SAMD12: variants seen among roughly 807,000 people sequenced by gnomAD.
The protein encoded by SAMD12 is sterile alpha motif domain-containing protein 12.
SAMD12 carries 9 observed loss-of-function variants against 15.0 expected under a neutral mutation model. The ratio of observed to expected loss-of-function variants is 0.60; its 90% CI spans 0.36 to 1.05. SAMD12 has a LOEUF of 1.05. Ranked by LOEUF, SAMD12 falls within the 50% of genes least tolerant of loss-of-function variation. SAMD12 has a pLI of 0.01. For synonymous variants in SAMD12, 86 were observed against 90.1 expected, an observed-to-expected ratio of 0.96 and a Z score of 0.25; for missense variants, 230 against 234.2, an observed-to-expected ratio of 0.98 and a Z score of 0.12.
chr8:118,264,525 A>G (rs1411727517), intron 4 of SAMD12, among the ~76,000 whole-genome samples: 1 of 152,160 alleles, frequency 6.6e-6, no homozygotes, highest in Non-Finnish European at 1.5e-5. Flanking sequence ...TGGGAAAACC[A>G]CTAGAGGGAA....
In SAMD12 at chr8:118,439,953, C is replaced by G. The variant is rs144756754; in HGVS notation, c.201G>C (p.Thr67=). The G allele has an allele frequency of 6.2e-7, 1 of 1,613,520 alleles. No homozygotes were observed. The highest frequency in any genetic ancestry group is 2.2e-5 in the East Asian group (1 of 44,868). The change falls in exon 3 of 4, where the codon ACG becomes ACC. Residue 67 remains threonine, a synonymous_variant. Transcript: ENST00000314727. ...QAEAETAKSA[T]VKLSKPVALW... ...GAGCCACCGGTTTAGATAGCTTCAC[C>G]GTAGCTGACTATAAATAAAGAAGGA...
At chr8:118,572,467 T>A (rs1827038692) in intron 2 of SAMD12, among the ~76,000 whole-genome samples, 1 of 152,192 alleles carries the variant, frequency 6.6e-6, no homozygotes, top group Non-Finnish European at 1.5e-5. Context: ...TTTGGCTGTG[T>A]CCTCACCCAA....
rs1430873838 is a variant in SAMD12, at chr8:118,318,301, G to C, written c.433+61259C>G. Among the ~76,000 whole-genome samples, 109 of 107,832 alleles carry C rather than the reference G, an allele frequency of 1.0e-3. 2 individuals carry two copies. Among genetic ancestry groups the C allele is most frequent in the African/African-American group, 3.5e-3 (101 of 29,156 alleles). The allele number at this position is 107,832 out of a possible 152,430, so 70.7% of individuals were successfully genotyped here. ...ATGAGTAGATTAAAAAAATATGGGAGATATATGTGTATATATATATATATA... is the reference window on the plus strand; with the variant it reads ...ATGAGTAGATTAAAAAAATATGGGACATATATGTGTATATATATATATATA... On this transcript the variant is annotated intron_variant, in intron 4 of 4. Transcript: ENST00000409003.
intron 3 of SAMD12, among the ~76,000 whole-genome samples, chr8:118,416,272 C>G (rs113213592): frequency 1.1e-4 from 16 of 152,222 alleles, no homozygotes; most frequent in African/African-American, 3.9e-4. Context: ...TTATCCTTAA[C>G]CATATTAACT....
the SAMD12 span, among the ~76,000 whole-genome samples, chr8:118,169,423 T>C: frequency 6.6e-6 from 1 of 152,082 alleles, no homozygotes; most frequent in African/African-American, 2.4e-5. Context: ...TTTTTAAATA[T>C]GTGATTTTGA....
chr8:118,544,774 A>G (rs767410928), intron 2 of SAMD12, among the ~76,000 whole-genome samples: 4 of 152,134 alleles, frequency 2.6e-5, no homozygotes, highest in Non-Finnish European at 4.4e-5. Context: ...CCACACCACT[A>G]TTTCTTCAGC....
intron 4 of SAMD12, among the ~76,000 whole-genome samples, chr8:118,323,523 A>G (rs1816403670): frequency 6.6e-6 from 1 of 152,112 alleles, no homozygotes; most frequent in African/African-American, 2.4e-5. Context: ...GCACTTTGGG[A>G]GGCCGAGTTG....
chr8:118,345,464 C>A (rs930983352), intron 4 of SAMD12, among the ~76,000 whole-genome samples: 2 of 152,120 alleles, frequency 1.3e-5, no homozygotes, highest in African/African-American at 4.8e-5. Context: ...ATGCACAGGT[C>A]TGGAAAGGTT....
intron 3 of SAMD12, among the ~76,000 whole-genome samples, chr8:118,411,361 A>T (rs1586684474): frequency 6.6e-6 from 1 of 152,234 alleles, no homozygotes; most frequent in Non-Finnish European, 1.5e-5. Flanking sequence ...AAGGGCAAGA[A>T]GATCAAGTCC....
chr8:118,320,666 G>A (rs1216530359), intron 4 of SAMD12, among the ~76,000 whole-genome samples: 4 of 131,212 alleles, frequency 3.0e-5, no homozygotes, highest in South Asian at 2.4e-4. Flanking sequence ...GGGGCCTGTC[G>A]TGGGGTGGGG....
At chr8:118,517,292 GGT>G (rs766087047) in intron 2 of SAMD12, among the ~76,000 whole-genome samples, 9 of 152,164 alleles carry the variant, frequency 5.9e-5, no homozygotes, top group Non-Finnish European at 1.0e-4. Context: ...TCTGGGGTCA[GGT>G]TCAAAGGTCA....
At chr8:118,552,966 A>G (rs984714240) in intron 2 of SAMD12, among the ~76,000 whole-genome samples, 2 of 151,998 alleles carry the variant, frequency 1.3e-5, no homozygotes, top group Non-Finnish European at 2.9e-5. Flanking sequence ...TAGGAATCCA[A>G]CTTACAAGGG....
At chr8:118,546,256 G>C (rs976275208) in intron 2 of SAMD12, among the ~76,000 whole-genome samples, 7 of 152,196 alleles carry the variant, frequency 4.6e-5, no homozygotes, top group Admixed American at 2.6e-4. Flanking sequence ...GGACAATGTT[G>C]AGTAGCACTT....
chr8:118,609,728 C>G (rs535049941), intron 1 of SAMD12, among the ~76,000 whole-genome samples: 1 of 152,282 alleles, frequency 6.6e-6, no homozygotes, highest in Non-Finnish European at 1.5e-5. Context: ...TTCAATCTCT[C>G]CAGACTGTGA....
chr8:118,327,805 A>G (rs2130483549), intron 4 of SAMD12, among the ~76,000 whole-genome samples: 1 of 152,282 alleles, frequency 6.6e-6, no homozygotes, highest in South Asian at 2.1e-4. Flanking sequence ...TCTGACTGGC[A>G]AAGATGGCCT....
the SAMD12 span, among the ~76,000 whole-genome samples, chr8:118,159,031 G>C: frequency 6.6e-6 from 1 of 152,008 alleles, no homozygotes; most frequent in African/African-American, 2.4e-5. Flanking sequence ...GGGACTGAAA[G>C]AGCTGTAACA....
intron 4 of SAMD12, among the ~76,000 whole-genome samples, chr8:118,273,811 TC>T (rs1813418408): frequency 6.6e-6 from 1 of 152,106 alleles, no homozygotes; most frequent in African/African-American, 2.4e-5. Context: ...AAGGAATGTA[TC>T]CTGTGGAAAT....
At chr8:118,432,932 T>G (rs181243289) in intron 3 of SAMD12, among the ~76,000 whole-genome samples, 2 of 152,266 alleles carry the variant, frequency 1.3e-5, no homozygotes, top group East Asian at 1.9e-4. Context: ...TCCAACATCT[T>G]GAACAGAAAA....
intron 2 of SAMD12, among the ~76,000 whole-genome samples, chr8:118,559,876 G>T (rs556325028): frequency 1.3e-5 from 2 of 152,200 alleles, no homozygotes; most frequent in South Asian, 4.1e-4. Context: ...GTTGACAGGG[G>T]TGATGCCAAT....
Sources: allele counts gnomAD v4.1 joint callset (sites outside exome capture counted in the v4.1 genomes callset), GRCh38; gene constraint gnomAD v4.1.1; transcripts MANE v1.5; gene names NCBI Gene and HGNC (gene_info 2026-07-23, HGNC 2026-07-21).